SCAI: variants seen among roughly 807,000 people sequenced by gnomAD.
The protein encoded by SCAI is suppressor of cancer cell invasion, also known as protein SCAI.
In SCAI, 24 loss-of-function variants were observed where a neutral mutation model predicts 92.2. The ratio of observed to expected loss-of-function variants is 0.26; its 90% CI spans 0.19 to 0.37. The LOEUF is 0.37. Among genes scored for constraint, SCAI ranks in the 10% least tolerant of loss-of-function variants. The pLI is 1.00. For missense variants in SCAI, 450 were observed against 736.2 expected (o/e 0.61, Z 4.50); for synonymous variants, 261 against 258.6 (o/e 1.01, Z -0.09).
chr9:125,030,020 T>C (rs1193038711), intron 3 of SCAI, among the ~76,000 whole-genome samples: 2 of 152,180 alleles, frequency 1.3e-5, no homozygotes, highest in African/African-American at 4.8e-5. Flanking sequence ...CCCTCGGTGA[T>C]CTTATTCACA....
intron 9 of SCAI, among the ~76,000 whole-genome samples, chr9:125,007,992 C>T (rs183677081): frequency 2.6e-5 from 4 of 151,780 alleles, no homozygotes; most frequent in African/African-American, 7.2e-5. Flanking sequence ...ACTACAGGCG[C>T]CCGCCACCAT....
intron 17 of SCAI, among the ~76,000 whole-genome samples, chr9:124,970,650 G>A (rs1177989890): frequency 6.6e-6 from 1 of 151,956 alleles, no homozygotes; most frequent in Non-Finnish European, 1.5e-5. Context: ...TTGAACCCAG[G>A]AGGCAGAGGT....
chr9:125,052,298 C>T (rs540644793), intron 3 of SCAI, among the ~76,000 whole-genome samples: 3 of 151,994 alleles, frequency 2.0e-5, no homozygotes, highest in East Asian at 3.9e-4. Flanking sequence ...TGCCGGTTTG[C>T]GGTGGCTCAC....
At chr9:125,024,136 T>C (rs1832920933) in intron 6 of SCAI, among the ~76,000 whole-genome samples, 2 of 152,110 alleles carry the variant, frequency 1.3e-5, no homozygotes, top group African/African-American at 2.4e-5. Context: ...AATTTTATTA[T>C]TCACTTTCCC....
At chr9:124,987,040 G>A (rs1347529891) in intron 14 of SCAI, among the ~76,000 whole-genome samples, 3 of 152,114 alleles carry the variant, frequency 2.0e-5, no homozygotes, top group African/African-American at 7.2e-5. Flanking sequence ...ATGACTGAGG[G>A]CCTTTTTTTT....
At chr9:125,073,224 C>T (rs1834017557) in intron 2 of SCAI, among the ~76,000 whole-genome samples, 2 of 147,982 alleles carry the variant, frequency 1.4e-5, no homozygotes, top group African/African-American at 2.5e-5. Context: ...CCTGCCTCAG[C>T]CTCCCGAGTA....
At position 125,107,019 on chromosome 9, in the gene SCAI, G is replaced by C. The variant is rs148120701; in HGVS notation, c.98+35614C>G. Among the ~76,000 whole-genome samples, 133 of 151,872 alleles carry C rather than the reference G, an allele frequency of 8.8e-4. 1 individual carries two copies. The East Asian group carries it at 0.021, about 24-fold the overall frequency. On this transcript the variant is annotated intron_variant, in intron 2 of 17. Coordinates refer to ENST00000336505, the MANE Select transcript of SCAI (RefSeq NM_001144877.3). ...TGTGAGCCACCATGCCTGGCCTTGA[G>C]TTATTTTTCTTTCTTTCAATTGCCC...
chr9:125,006,069 G>A lies in SCAI; in HGVS notation c.862-2499C>T, dbSNP rs146602584. On this transcript the variant is annotated intron_variant, in intron 9 of 17. Transcript: ENST00000336505. ...GAGGGAAAAAGCAATGCAGATCTTC[G>A]TTGGAAGAAGGCATCCTCAATTCAG... is the stretch of plus-strand genomic sequence containing the variant. Among the ~76,000 whole-genome samples the A allele has an allele frequency of 1.6e-4, 24 of 152,304 alleles. No individual in the cohort carries two copies. The East Asian group carries it at 3.5e-3, about 22-fold the overall frequency.
chr9:125,112,523 G>T (rs56296913), intron 2 of SCAI, among the ~76,000 whole-genome samples: 1 of 151,864 alleles, frequency 6.6e-6, no homozygotes, highest in African/African-American at 2.4e-5. Flanking sequence ...TGTCATAACC[G>T]CAACACTGCT....
At chr9:125,021,160 G>A (rs1832863248) in intron 6 of SCAI, among the ~76,000 whole-genome samples, 1 of 152,174 alleles carries the variant, frequency 6.6e-6, no homozygotes, top group African/African-American at 2.4e-5. Context: ...TGCTATTTGT[G>A]CCCACAGGAC....
At position 124,949,269 on chromosome 9, in the gene SCAI, C is replaced by T. The variant is rs555492073; in HGVS notation, c.*3538G>A. On this transcript the variant is annotated 3_prime_UTR_variant, in exon 18 of 18. Coordinates refer to ENST00000336505, the MANE Select transcript of SCAI (RefSeq NM_001144877.3). This position sits in a 1 kb window ranked among gnomAD's most constrained non-coding sequence, Gnocchi z 4.0. ...TGGGGAGGCTGAGGCAGGAGAATCA[C>T]TTGAAACTGGAAGGTGGAGGTTGCA... The T allele has an allele frequency of 6.6e-6, 1 of 152,464 alleles. No homozygotes were observed. The highest frequency in any genetic ancestry group is 2.1e-4 in the South Asian group (1 of 4,830). The allele number at this position is 152,464 out of a possible 1,614,324, so 9.4% of individuals were successfully genotyped here. A position where few individuals can be genotyped will look rare whatever the true frequency, so the allele number is the denominator to read the frequency against.
intron 2 of SCAI, among the ~76,000 whole-genome samples, chr9:125,136,272 G>C (rs1395081896): frequency 1.3e-5 from 2 of 151,052 alleles, no homozygotes; most frequent in African/African-American, 2.4e-5. Context: ...CACCACACCT[G>C]GCTAATTTTC....
At chr9:125,108,963 G>C (rs1834876031) in intron 2 of SCAI, among the ~76,000 whole-genome samples, 2 of 152,220 alleles carry the variant, frequency 1.3e-5, no homozygotes, top group African/African-American at 4.8e-5. Context: ...TTGTTGCTGT[G>C]TCTGTGTAGA....
chr9:125,085,142 T>C (rs1436657064), intron 2 of SCAI, among the ~76,000 whole-genome samples: 2 of 152,194 alleles, frequency 1.3e-5, no homozygotes, highest in African/African-American at 4.8e-5. Context: ...GTGTTTTTTA[T>C]TAAGGAAAAA....
chr9:124,956,855 A>G (rs1298897481), intron 17 of SCAI, among the ~76,000 whole-genome samples: 2 of 152,234 alleles, frequency 1.3e-5, no homozygotes, highest in African/African-American at 4.8e-5. Context: ...ATAGATTGGA[A>G]AAAAAGAAGT....
chr9:125,105,633 G>A (rs1834761271), intron 2 of SCAI, among the ~76,000 whole-genome samples: 1 of 152,166 alleles, frequency 6.6e-6, no homozygotes, highest in Non-Finnish European at 1.5e-5. Flanking sequence ...GGAATAAAGA[G>A]AACCACAGAT....
chr9:125,014,873 C>T (rs1486281853), intron 9 of SCAI, among the ~76,000 whole-genome samples: 13 of 152,232 alleles, frequency 8.5e-5, no homozygotes, highest in South Asian at 2.1e-4. Context: ...TCAGAAATAA[C>T]GCCACGTATC....
chr9:125,138,251 T>TC (rs1835583514), intron 2 of SCAI, among the ~76,000 whole-genome samples: 1 of 49,584 alleles, frequency 2.0e-5, no homozygotes, highest in Non-Finnish European at 4.6e-5. Context: ...TATTATTTCT[T>TC]TTTTTTTTTT....
rs1003167925 is a variant in SCAI at position 124,970,026 on chromosome 9, G to A, written c.1674+1344C>T. ...ATGCCACCATGTCTGGCTAATTTTT[G>A]TATTTTTAGTAGAGACAGGATTTCA... On this transcript the variant is annotated intron_variant, in intron 17 of 17. Transcript: ENST00000336505. Among the ~76,000 whole-genome samples, 11 of 152,100 alleles carry A rather than the reference G, an allele frequency of 7.2e-5. No individual in the cohort carries two copies. In the East Asian group the frequency reaches 1.9e-3, roughly 27 times the overall value.
Sources: gnomAD v4.1 joint callset for allele counts (sites outside exome capture counted in the v4.1 genomes callset) on GRCh38, gnomAD v4.1.1 for gene constraint, Gnocchi (gnomAD v3.1) non-coding constraint, MANE v1.5 for transcripts, NCBI Gene and HGNC (gene_info 2026-07-23, HGNC 2026-07-21) for gene names.